Variants in ZBTB20 observed in about 807,000 individuals in gnomAD.
The protein encoded by ZBTB20 is zinc finger and BTB domain-containing protein 20.
ZBTB20 carries 9 observed loss-of-function variants against 56.9 expected under a neutral mutation model. The observed-to-expected ratio is 0.16, with a 90% CI of 0.10 to 0.28. ZBTB20 has a LOEUF of 0.28. Among genes scored for constraint, ZBTB20 ranks in the 10% least tolerant of loss-of-function variants. The pLI, the probability that ZBTB20 is intolerant of heterozygous loss-of-function variation, is 1.00. For missense variants in ZBTB20, 655 were observed against 1,003.0 expected (o/e 0.65, Z 4.69); for synonymous variants, 417 against 420.7 (o/e 0.99, Z 0.11).
intron 2 of ZBTB20, among the ~76,000 whole-genome samples, chr3:114,980,168 TTC>T (rs1182564967): frequency 6.6e-6 from 1 of 152,048 alleles, no homozygotes; most frequent in East Asian, 1.9e-4. Context: ...TGAAGCTTCA[TTC>T]TGTTTATTTT....
intron 6 of ZBTB20, among the ~76,000 whole-genome samples, chr3:114,654,699 T>C (rs779664880): frequency 3.3e-5 from 5 of 152,128 alleles, no homozygotes; most frequent in Non-Finnish European, 5.9e-5. Flanking sequence ...AGGCAGTTGA[T>C]GGTGTTTTTA....
chr3:115,067,754 ACTT>A (rs1164057338), intron 2 of ZBTB20, among the ~76,000 whole-genome samples: 1 of 152,120 alleles, frequency 6.6e-6, no homozygotes, highest in Non-Finnish European at 1.5e-5. Context: ...TGAATTGTAC[ACTT>A]CTTCTATCGT....
chr3:115,111,563 T>C (rs1039854902), intron 1 of ZBTB20, among the ~76,000 whole-genome samples: 4 of 152,144 alleles, frequency 2.6e-5, no homozygotes, highest in African/African-American at 9.7e-5. Flanking sequence ...AATAATTAAT[T>C]TGCACTTTAG....
At position 114,326,887 on chromosome 3, in the gene ZBTB20, A is replaced by G. The variant is rs530203582; in HGVS notation, c.*12118T>C. The stretch of plus-strand genomic sequence containing the variant: ...AATCTCAGAACATTTCCTAAGCTAT[A>G]TTTGTAAATTCTAGAGCTACATATC... On this transcript the variant is annotated 3_prime_UTR_variant, in exon 12 of 12. Coordinates refer to ENST00000675478, the MANE Select transcript of ZBTB20 (RefSeq NM_001348800.3). 5.1e-4 allele frequency: 78 copies of G among 152,274 alleles called. No homozygotes were observed. The highest frequency in any genetic ancestry group is 1.9e-3 in the African/African-American group (78 of 41,554). 9.4% of individuals were successfully genotyped at this position (152,274 alleles called of 1,614,324 possible).
At chr3:115,035,086 T>TTTAA (rs1215011172) in intron 2 of ZBTB20, among the ~76,000 whole-genome samples, 1 of 152,058 alleles carries the variant, frequency 6.6e-6, no homozygotes, top group Non-Finnish European at 1.5e-5. Context: ...AAATATAAGC[T>TTTAA]TTAAATATAA....
intron 6 of ZBTB20, among the ~76,000 whole-genome samples, chr3:114,625,951 A>G (rs1055005967): frequency 6.6e-6 from 1 of 152,242 alleles, no homozygotes; most frequent in Non-Finnish European, 1.5e-5. Flanking sequence ...TAGAGAAACC[A>G]TATCTAGATG....
chr3:115,056,401 T>C (rs1368831513), intron 2 of ZBTB20, among the ~76,000 whole-genome samples: 2 of 152,072 alleles, frequency 1.3e-5, no homozygotes, highest in Non-Finnish European at 2.9e-5. Context: ...CATAACCTTA[T>C]ATGTGCTCCC....
intron 1 of ZBTB20, among the ~76,000 whole-genome samples, chr3:115,085,512 A>AGAAAGAGGT (rs1401124579): frequency 6.6e-6 from 1 of 152,006 alleles, no homozygotes; most frequent in African/African-American, 2.4e-5. Flanking sequence ...GTTAAACCTA[A>AGAAAGAGGT]GAAAGAGGTA....
chr3:114,676,290 C>T (rs553076086), intron 6 of ZBTB20, among the ~76,000 whole-genome samples: 1 of 152,272 alleles, frequency 6.6e-6, no homozygotes, highest in African/African-American at 2.4e-5. Context: ...TGAGGGTTTA[C>T]TGCCACATAT....
At chr3:114,570,265 T>C (rs2053271153) in intron 6 of ZBTB20, among the ~76,000 whole-genome samples, 1 of 151,906 alleles carries the variant, frequency 6.6e-6, no homozygotes, top group African/African-American at 2.4e-5. Context: ...CCTCTAAGGA[T>C]TTTGGGTTCA....
intron 4 of ZBTB20, among the ~76,000 whole-genome samples, chr3:114,849,606 C>T (rs2074892690): frequency 6.6e-6 from 1 of 152,082 alleles, no homozygotes; most frequent in Non-Finnish European, 1.5e-5. Context: ...TTAATTAATT[C>T]CTCAACTTTG....
At chr3:114,464,997 C>T (rs189635587) in intron 7 of ZBTB20, among the ~76,000 whole-genome samples, 1 of 151,956 alleles carries the variant, frequency 6.6e-6, no homozygotes, top group East Asian at 1.9e-4. Flanking sequence ...TCTCCCCCAA[C>T]CCCCACACAC....
At chr3:114,585,060 C>G (rs2055039518) in intron 6 of ZBTB20, among the ~76,000 whole-genome samples, 1 of 152,084 alleles carries the variant, frequency 6.6e-6, no homozygotes, top group Non-Finnish European at 1.5e-5. Flanking sequence ...ACAGGCAAGG[C>G]TCCTGTTAAA....
At chr3:114,662,994 T>A (rs1401224792) in intron 6 of ZBTB20, among the ~76,000 whole-genome samples, 3 of 150,024 alleles carry the variant, frequency 2.0e-5, no homozygotes, top group Non-Finnish European at 3.0e-5. Flanking sequence ...ACTTCCCCAA[T>A]CTAGCAAGGC....
At chr3:114,925,885 T>G (rs974784979) in intron 3 of ZBTB20, among the ~76,000 whole-genome samples, 1 of 152,080 alleles carries the variant, frequency 6.6e-6, no homozygotes, top group Non-Finnish European at 1.5e-5. Context: ...AGACTTGGAG[T>G]CCTTAACTTG....
rs2079011611 is a variant in ZBTB20 at position 114,324,873 on chromosome 3, GGT to G, written c.*14130_*14131del. The G allele has an allele frequency of 1.3e-5, 2 of 152,100 alleles. No homozygotes were observed. The highest frequency in any genetic ancestry group is 4.1e-4 in the South Asian group (2 of 4,832). 9.4% of individuals were successfully genotyped at this position (152,100 alleles called of 1,614,324 possible). The stretch of plus-strand genomic sequence containing the variant: ...TTTGTCTGGGTCTTCACCCTCCAAA[GGT>G]AAGTCTGCTTGTCTGCTCATACCCA... On this transcript the variant is annotated 3_prime_UTR_variant, in exon 12 of 12. Transcript: ENST00000675478.
chr3:114,622,144 T>C (rs1452282072), intron 6 of ZBTB20, among the ~76,000 whole-genome samples: 3 of 152,176 alleles, frequency 2.0e-5, no homozygotes, highest in Non-Finnish European at 4.4e-5. Context: ...GCAGTTCTAA[T>C]AGACATCCCT....
At chr3:114,472,731 C>T (rs1467652559) in intron 7 of ZBTB20, among the ~76,000 whole-genome samples, 2 of 151,358 alleles carry the variant, frequency 1.3e-5, no homozygotes, top group African/African-American at 4.9e-5. Context: ...AAAAAGATAC[C>T]TCACTGCTCT....
intron 3 of ZBTB20, among the ~76,000 whole-genome samples, chr3:114,952,062 C>A (rs2077084235): frequency 6.6e-6 from 1 of 151,920 alleles, no homozygotes; most frequent in Non-Finnish European, 1.5e-5. Flanking sequence ...GGCTCAGAAA[C>A]CTGTGGGACA....
Sources: allele counts gnomAD v4.1 joint callset (sites outside exome capture counted in the v4.1 genomes callset), GRCh38; gene constraint gnomAD v4.1.1; transcripts MANE v1.5; gene names NCBI Gene and HGNC (gene_info 2026-07-23, HGNC 2026-07-21).